Variants in TEX10 observed in about 807,000 individuals in gnomAD.
The protein encoded by TEX10 is testis-expressed protein 10.
Under a neutral mutation model 104.4 loss-of-function variants are expected in TEX10, and 24 were observed. That is an observed-to-expected ratio of 0.23 (90% CI 0.17 to 0.32). TEX10 has a LOEUF of 0.32. TEX10 is among the 10% of genes least tolerant of loss of function. TEX10 has a pLI of 1.00. For synonymous variants in TEX10, 396 were observed against 393.4 expected (o/e 1.01, Z -0.08); for missense variants, 921 against 1,083.9 (o/e 0.85, Z 2.11).
intron 9 of TEX10, 95 bp downstream of exon 9, chr9:100,326,207 G>T: frequency 1.5e-6 from 2 of 1,299,022 alleles, no homozygotes; most frequent in East Asian, 2.5e-5. Flanking sequence ...TGAAAGTAGT[G>T]TATGCGACTT....
chr9:100,308,476 G>C, intron 13 of TEX10, 24 bp downstream of exon 13: 1 of 1,559,476 alleles, frequency 6.4e-7, no homozygotes, highest in Non-Finnish European at 8.6e-7. Flanking sequence ...GGAAAATTAA[G>C]GTTGAAGAAT....
chr9:100,335,326 CTGAG>C (rs1021642901), intron 5 of TEX10, among the ~76,000 whole-genome samples: 11 of 152,110 alleles, frequency 7.2e-5, no homozygotes, highest in African/African-American at 2.7e-4. Flanking sequence ...CCCCAGCTTC[CTGAG>C]TATCTGGGAC....
intron 5 of TEX10, 131 bp downstream of exon 5, chr9:100,340,126 C>T (rs1416086560): frequency 2.1e-6 from 1 of 469,572 alleles, no homozygotes; most frequent in Non-Finnish European, 3.7e-6. Flanking sequence ...CATATTACTA[C>T]TTTTATTTTC....
chr9:100,352,920 C>T lies in TEX10; in HGVS notation c.-158G>A. ...GCCTCGTCCTCACGCGGCCGCGTCT[C>T]CTTCCGCCGCCCGGAAATCAGGGCC... On this transcript the variant is annotated 5_prime_UTR_variant, in exon 1 of 15. Coordinates refer to ENST00000374902, the MANE Select transcript of TEX10 (RefSeq NM_017746.4). 1 of 990,884 alleles carries T rather than the reference C, an allele frequency of 1.0e-6. No homozygotes were observed. The highest frequency in any genetic ancestry group is 1.2e-6 in the Non-Finnish European group (1 of 834,014). 61.4% of individuals were successfully genotyped at this position (990,884 alleles called of 1,614,324 possible). A position where few individuals can be genotyped will look rare whatever the true frequency, so the allele number is the denominator to read the frequency against.
At chr9:100,352,492 C>T (rs760938085) in intron 1 of TEX10, 22 of 1,551,086 alleles carry the variant, frequency 1.4e-5, no homozygotes, top group East Asian at 1.2e-4. Flanking sequence ...GGAAGTGGGG[C>T]CCGATTCACA....
intron 1 of TEX10, chr9:100,352,475 G>C (rs1835480287): frequency 3.2e-6 from 5 of 1,551,252 alleles, no homozygotes; most frequent in East Asian, 2.4e-5. Context: ...GCCAGGACCA[G>C]AGTCGGGGAA....
At position 100,349,324 on chromosome 9, in the gene TEX10, C is replaced by G. The variant is rs1835381850; in HGVS notation, c.40G>C (p.Val14Leu). Residue 14 changes from valine (V) to leucine (L), a missense_variant, in exon 2 of 15, where the codon GTA becomes CTA. By Grantham distance (32) the Val-to-Leu change is conservative. Coordinates refer to ENST00000374902, the MANE Select transcript of TEX10 (RefSeq NM_017746.4). ...TTCTTTTTACCAACTTTCAATTTTACTTTTTGAAAATCATGTTGGCGTTTT... is the reference window on the plus strand; with the variant it reads ...TTCTTTTTACCAACTTTCAATTTTAGTTTTTGAAAATCATGTTGGCGTTTT... ...KRKRQHDFQK[V>L]KLKVGKKKPK... 1 of 1,595,686 alleles carries G rather than the reference C, an allele frequency of 6.3e-7. No homozygotes were observed. Among genetic ancestry groups the G allele is most frequent in the Non-Finnish European group, 8.5e-7 (1 of 1,175,076 alleles).
chr9:100,347,067 G>C lies in TEX10; in HGVS notation c.520C>G (p.Leu174Val), dbSNP rs767591229. Residue 174 changes from leucine to valine, a missense_variant, in exon 3 of 15, where the codon CTA (leucine) becomes GTA (valine). Coordinates refer to ENST00000374902, the MANE Select transcript of TEX10 (RefSeq NM_017746.4). ...AATATGCTGCTACGGCCAGTAATTA[G>C]AGCTGGGTACTGTTCCAGCAGAATG... ...LDILLEQYPALITGRSSILLK... is the reference protein window; with the variant it reads ...LDILLEQYPAVITGRSSILLK... 1.2e-6 allele frequency: 2 copies of C among 1,614,160 alleles called. No individual in the cohort carries two copies. The highest frequency in any genetic ancestry group is 1.1e-5 in the South Asian group (1 of 91,084).
chr9:100,350,297 T>C (rs929851737), intron 1 of TEX10, among the ~76,000 whole-genome samples: 4 of 152,214 alleles, frequency 2.6e-5, no homozygotes, highest in African/African-American at 9.7e-5. Flanking sequence ...TACTATCTAG[T>C]GTCTCCTCTC....
At chr9:100,323,452 C>T (rs1207360006) in intron 9 of TEX10, among the ~76,000 whole-genome samples, 2 of 152,114 alleles carry the variant, frequency 1.3e-5, no homozygotes, top group Non-Finnish European at 2.9e-5. Flanking sequence ...AGCATCTTTC[C>T]GTATTTATGC....
At chr9:100,348,698 G>A (rs549758229) in intron 2 of TEX10, among the ~76,000 whole-genome samples, 68 of 152,284 alleles carry the variant, frequency 4.5e-4, no homozygotes, top group African/African-American at 1.6e-3. Context: ...AGGATTGCTT[G>A]CATCCAAGAG....
At chr9:100,322,669 G>A (rs936992883) in intron 9 of TEX10, among the ~76,000 whole-genome samples, 13 of 152,034 alleles carry the variant, frequency 8.6e-5, no homozygotes, top group African/African-American at 3.1e-4. Flanking sequence ...AGGCTGGAGT[G>A]CAATGGCATG....
intron 11 of TEX10, among the ~76,000 whole-genome samples, chr9:100,319,064 C>T (rs560979269): frequency 4.0e-5 from 6 of 151,484 alleles, no homozygotes; most frequent in South Asian, 2.1e-4. Context: ...TAGTGGCGGG[C>T]GCCTGTAATC....
chr9:100,302,942 C>T (rs972026657), intron 14 of TEX10, among the ~76,000 whole-genome samples: 1 of 130,930 alleles, frequency 7.6e-6, no homozygotes, highest in Non-Finnish European at 1.6e-5. Flanking sequence ...CCCCCCCAAA[C>T]TAAAATCACC....
chr9:100,314,532 T>C (rs968920967), intron 11 of TEX10, among the ~76,000 whole-genome samples: 13 of 152,244 alleles, frequency 8.5e-5, no homozygotes, highest in African/African-American at 1.9e-4. Context: ...TGTAGGTATA[T>C]AGTTGTTTGT....
chr9:100,329,249 C>T lies in TEX10; in HGVS notation c.1516G>A (p.Val506Ile). The change falls in exon 7 of 15, where the codon GTT becomes ATT. Residue 506 changes from valine to isoleucine, a missense_variant. Physicochemically the swap from Val to Ile is conservative, Grantham distance 29. Transcript: ENST00000374902. ...CCCCTCTGCTGATATAATGTATAAA[C>T]TGCCTTAATAAGAGTCTCTGTGTCC... ...REDTETLIKA[V>I]YTLYQQRGLI... The T allele has an allele frequency of 1.9e-6, 3 of 1,608,240 alleles. No individual in the cohort carries two copies. The highest frequency in any genetic ancestry group is 2.5e-6 in the Non-Finnish European group (3 of 1,178,746).
At chr9:100,342,662 A>T (rs1300843482) in intron 4 of TEX10, among the ~76,000 whole-genome samples, 4 of 152,206 alleles carry the variant, frequency 2.6e-5, no homozygotes, top group Non-Finnish European at 5.9e-5. Context: ...TACAAACTCT[A>T]ACCCTCACAG....
intron 5 of TEX10, among the ~76,000 whole-genome samples, chr9:100,330,626 C>T (rs1299046786): frequency 6.6e-6 from 1 of 152,168 alleles, no homozygotes; most frequent in East Asian, 1.9e-4. Flanking sequence ...AGGAGACATA[C>T]CCCGGTAAGC....
In TEX10 at chr9:100,302,254, G is replaced by A. The variant is rs773329485; in HGVS notation, c.2727C>T (p.Tyr909=). ...GCCCAGTGATATACACGTTGAAGCA[G>A]TAATGTAAGTCTGTGAGCCACTGTT... The part of the protein sequence containing the change: ...VQEQWLTDLH[Y]CFNVYITGHP... The change falls in exon 15 of 15, where the codon TAC becomes TAT. Residue 909 remains tyrosine (Y), a synonymous_variant. Transcript: ENST00000374902. 2 of 1,613,742 alleles carry A rather than the reference G, an allele frequency of 1.2e-6. No individual in the cohort carries two copies. The highest frequency in any genetic ancestry group is 1.1e-5 in the South Asian group (1 of 91,012).
Sources: allele counts gnomAD v4.1 joint callset (sites outside exome capture counted in the v4.1 genomes callset), GRCh38; gene constraint gnomAD v4.1.1; transcripts MANE v1.5; gene names NCBI Gene and HGNC (gene_info 2026-07-23, HGNC 2026-07-21).